EPHA6: variants seen among roughly 807,000 people sequenced by gnomAD.
EPHA6 encodes the protein EPH receptor A6.
Under a neutral mutation model 112.0 loss-of-function variants are expected in EPHA6, and 50 were observed. The observed-to-expected ratio is 0.45, with a 90% CI of 0.36 to 0.56. The LOEUF (loss-of-function observed/expected upper bound fraction) is 0.56, where lower values mean the gene tolerates loss of function less well. Among genes scored for constraint, EPHA6 ranks in the 20% least tolerant of loss-of-function variants. The pLI is 0.00. For missense variants in EPHA6, 1,280 were observed against 1,417.4 expected (o/e 0.90, Z 1.56); for synonymous variants, 529 against 490.7 (o/e 1.08, Z -1.03).
chr3:96,820,841 C>T (rs187378950), intron 1 of EPHA6, among the ~76,000 whole-genome samples: 14 of 151,974 alleles, frequency 9.2e-5, no homozygotes, highest in Non-Finnish European at 1.8e-4. Context: ...TATGTAGGGA[C>T]ATCTTCATAT....
At chr3:97,289,404 A>G (rs1317046357) in intron 5 of EPHA6, among the ~76,000 whole-genome samples, 1 of 151,970 alleles carries the variant, frequency 6.6e-6, no homozygotes, top group African/African-American at 2.4e-5. Flanking sequence ...GTACAACTTT[A>G]TTAGGGGTTC....
chr3:97,512,892 T>G (rs78234471), intron 10 of EPHA6, among the ~76,000 whole-genome samples: 1 of 152,288 alleles, frequency 6.6e-6, no homozygotes, highest in East Asian at 1.9e-4. Context: ...ATTTCCTGAC[T>G]AAATTCCAAA....
chr3:96,860,629 T>C (rs1329958418), intron 1 of EPHA6, among the ~76,000 whole-genome samples: 1 of 152,056 alleles, frequency 6.6e-6, no homozygotes, highest in African/African-American at 2.4e-5. Context: ...GCAAGACACA[T>C]GTTTGATGCT....
chr3:97,690,046 G>C (rs1039362627), intron 14 of EPHA6, among the ~76,000 whole-genome samples: 2 of 152,092 alleles, frequency 1.3e-5, no homozygotes, highest in Non-Finnish European at 2.9e-5. Flanking sequence ...TGAACATTTG[G>C]GTTGTTTCTG....
intron 13 of EPHA6, among the ~76,000 whole-genome samples, chr3:97,636,940 G>A (rs371817421): frequency 5.3e-5 from 8 of 151,812 alleles, no homozygotes; most frequent in South Asian, 2.1e-4. Flanking sequence ...AACAATCTCC[G>A]AATAACTAGG....
chr3:97,196,735 G>A (rs114095131), intron 3 of EPHA6, among the ~76,000 whole-genome samples: 5 of 151,790 alleles, frequency 3.3e-5, no homozygotes, highest in Middle Eastern at 3.4e-3. Flanking sequence ...TTTCAGAATC[G>A]TAGAAGTCCT....
chr3:96,972,886 AT>A (rs2042372525), intron 2 of EPHA6, among the ~76,000 whole-genome samples: 1 of 152,180 alleles, frequency 6.6e-6, no homozygotes. Flanking sequence ...AATTCTAAAG[AT>A]TTTCAGAGGG....
At chr3:96,817,789 G>A (rs2032917476) in intron 1 of EPHA6, among the ~76,000 whole-genome samples, 1 of 151,614 alleles carries the variant, frequency 6.6e-6, no homozygotes. Context: ...CCATACATAA[G>A]CAAGGTAAAA....
At chr3:96,972,963 T>G (rs527502032) in intron 2 of EPHA6, among the ~76,000 whole-genome samples, 61 of 152,334 alleles carry the variant, frequency 4.0e-4, no homozygotes, top group Non-Finnish European at 8.2e-4. Context: ...TGCCAGCATA[T>G]TATCTGAATA....
At chr3:97,042,049 T>C (rs2045335901) in intron 3 of EPHA6, among the ~76,000 whole-genome samples, 1 of 152,118 alleles carries the variant, frequency 6.6e-6, no homozygotes, top group Non-Finnish European at 1.5e-5. Flanking sequence ...CAGGGTATAA[T>C]ATCAAAGATC....
At chr3:97,166,437 C>A (rs1011282771) in intron 3 of EPHA6, among the ~76,000 whole-genome samples, 3 of 151,292 alleles carry the variant, frequency 2.0e-5, no homozygotes, top group Non-Finnish European at 2.9e-5. Context: ...GAGACCCTGC[C>A]TGTGATCTTA....
chr3:97,625,387 T>A (rs1217271106), intron 13 of EPHA6, among the ~76,000 whole-genome samples: 1 of 151,840 alleles, frequency 6.6e-6, no homozygotes, highest in Non-Finnish European at 1.5e-5. Flanking sequence ...ACTTTATCTG[T>A]TGTAGTCAGA....
At chr3:97,319,993 ACTCT>A (rs1438258709) in intron 5 of EPHA6, among the ~76,000 whole-genome samples, 1 of 151,832 alleles carries the variant, frequency 6.6e-6, no homozygotes, top group Admixed American at 6.6e-5. Context: ...CACTTTAAAA[ACTCT>A]CTCTAAAATC....
chr3:96,915,921 G>A (rs10511158), intron 2 of EPHA6, among the ~76,000 whole-genome samples: 10,524 of 152,114 alleles, frequency 0.069, 720 homozygotes, highest in Admixed American at 0.21. Flanking sequence ...TGAATGTGTC[G>A]TATAGGTTTG....
At chr3:97,162,492 T>A (rs894698691) in intron 3 of EPHA6, among the ~76,000 whole-genome samples, 1 of 152,180 alleles carries the variant, frequency 6.6e-6, no homozygotes, top group African/African-American at 2.4e-5. Context: ...CTGATATCCA[T>A]AAGCCCCTAC....
At chr3:97,071,885 C>T (rs568167781) in intron 3 of EPHA6, among the ~76,000 whole-genome samples, 4 of 152,096 alleles carry the variant, frequency 2.6e-5, no homozygotes, top group Non-Finnish European at 1.5e-5. Context: ...GCATTTTCCC[C>T]CGAGTCCCCC....
chr3:97,433,040 C>T (rs2089611698), intron 6 of EPHA6, among the ~76,000 whole-genome samples: 1 of 152,148 alleles, frequency 6.6e-6, no homozygotes, highest in South Asian at 2.1e-4. Context: ...CAGTTTAAAG[C>T]ACTGTGAAGC....
At chr3:97,015,483 A>C (rs1037301198) in intron 3 of EPHA6, among the ~76,000 whole-genome samples, 7 of 152,172 alleles carry the variant, frequency 4.6e-5, no homozygotes, top group Non-Finnish European at 1.0e-4. Context: ...TTCAATGTCA[A>C]ACTAAATATG....
chr3:97,095,269 A>G (rs1372274177), intron 3 of EPHA6, among the ~76,000 whole-genome samples: 1 of 151,912 alleles, frequency 6.6e-6, no homozygotes, highest in Non-Finnish European at 1.5e-5. Context: ...ACTTGGACAC[A>G]GGAAGGGGAA....
Sources: gnomAD v4.1 joint callset for allele counts (sites outside exome capture counted in the v4.1 genomes callset) on GRCh38, gnomAD v4.1.1 for gene constraint, MANE v1.5 for transcripts, NCBI Gene and HGNC (gene_info 2026-07-23, HGNC 2026-07-21) for gene names.